EYS: variants seen among roughly 807,000 people sequenced by gnomAD.
The protein encoded by EYS is EGF-like photoreceptor maintenance factor, also known as protein eyes shut homolog.
EYS carries 250 observed loss-of-function variants against 282.1 expected under a neutral mutation model. That is an observed-to-expected ratio of 0.89 (90% CI 0.80 to 0.98). The LOEUF is 0.98. Among genes scored for constraint, EYS ranks in the 50% least tolerant of loss-of-function variants. The pLI is 0.00. For missense variants in EYS, 4,016 were observed against 3,709.0 expected (o/e 1.08, Z -2.15); for synonymous variants, 1,355 against 1,282.9 (o/e 1.06, Z -1.20).
rs549746931 is a variant in EYS, at chr6:65,481,779, C to T, written c.862+8815G>A. ...GAGAGATGGGATTTCACTGTGTTAG[C>T]CAGGATGGTCTCGATCTCCTTACCT... On this transcript the variant is annotated intron_variant, in intron 5 of 42. Transcript: ENST00000503581. Among the ~76,000 whole-genome samples, 135 of 152,100 alleles carry T rather than the reference C, an allele frequency of 8.9e-4. 2 individuals are homozygous for T. Among genetic ancestry groups the T allele is most frequent in the African/African-American group, 2.6e-3 (109 of 41,466 alleles).
chr6:65,188,412 C>G (rs1311606321), intron 12 of EYS, among the ~76,000 whole-genome samples: 1 of 151,324 alleles, frequency 6.6e-6, no homozygotes, highest in African/African-American at 2.4e-5. Flanking sequence ...GTGTTGTAAA[C>G]AAAATACAAG....
chr6:64,274,088 A>G (rs1226790012), intron 30 of EYS, among the ~76,000 whole-genome samples: 1 of 152,178 alleles, frequency 6.6e-6, no homozygotes, highest in Non-Finnish European at 1.5e-5. Flanking sequence ...ATCCCAGCGT[A>G]TAACCTTTAA....
At chr6:65,200,431 G>A (rs1388122033) in intron 12 of EYS, among the ~76,000 whole-genome samples, 1 of 151,582 alleles carries the variant, frequency 6.6e-6, no homozygotes, top group Non-Finnish European at 1.5e-5. Flanking sequence ...CCTATGAATA[G>A]GTTAAATTGA....
intron 2 of EYS, among the ~76,000 whole-genome samples, chr6:65,630,573 G>A (rs908748045): frequency 3.7e-4 from 57 of 152,300 alleles, no homozygotes; most frequent in Admixed American, 3.1e-3. Flanking sequence ...ATATGTGAAA[G>A]TCTCAGGTTG....
At chr6:65,392,220 A>G (rs1220849861) in intron 7 of EYS, among the ~76,000 whole-genome samples, 3 of 151,922 alleles carry the variant, frequency 2.0e-5, no homozygotes, top group African/African-American at 4.8e-5. Flanking sequence ...TAAAAACCCT[A>G]GAAGAAAACC....
intron 31 of EYS, among the ~76,000 whole-genome samples, chr6:64,191,269 T>C (rs1765094679): frequency 6.6e-6 from 1 of 152,028 alleles, no homozygotes; most frequent in Non-Finnish European, 1.5e-5. Context: ...CTTCACACCA[T>C]AGGGAAATTT....
chr6:64,730,695 C>T (rs1771933160), intron 22 of EYS: 1 of 152,094 alleles, frequency 6.6e-6, no homozygotes, highest in Non-Finnish European at 1.5e-5. Context: ...CCAGGATGGT[C>T]TCCATCTCTT....
chr6:64,299,629 A>C (rs1769164501), intron 30 of EYS, among the ~76,000 whole-genome samples: 1 of 152,248 alleles, frequency 6.6e-6, no homozygotes, highest in African/African-American at 2.4e-5. Context: ...ATGGGACAAC[A>C]GTTATCAGCT....
In EYS at chr6:64,106,503, A is replaced by G. The variant is rs548226730; in HGVS notation, c.6425-24501T>C. 7.2e-5 allele frequency among the ~76,000 whole-genome samples: 11 copies of G among 152,196 alleles called. No homozygotes were observed. The East Asian group carries it at 7.7e-4, about 11-fold the overall frequency. On this transcript the variant is annotated intron_variant, in intron 31 of 42. Coordinates refer to ENST00000503581, the MANE Select transcript of EYS (RefSeq NM_001142800.2). ...GTTTTTGTTTGCATGGTATCTGAGG[A>G]GAAATCCAGTGCAATTCTTTGCTCT...
intron 8 of EYS, among the ~76,000 whole-genome samples, chr6:65,368,453 A>G (rs1765005493): frequency 6.6e-6 from 1 of 151,676 alleles, no homozygotes; most frequent in African/African-American, 2.4e-5. Flanking sequence ...GGAAAGAACA[A>G]GCCAAAAGGG....
intron 19 of EYS, among the ~76,000 whole-genome samples, chr6:64,857,449 T>C (rs1373308732): frequency 6.6e-6 from 1 of 152,218 alleles, no homozygotes; most frequent in African/African-American, 2.4e-5. Context: ...AAAAAAAGGT[T>C]GAATAGTATT....
rs796536914 is a variant in EYS, at chr6:63,788,074, A to G, written c.7723+31T>C. ...TTTTCCCTCAACATTTGAAATAAGT[A>G]GGTATAATATAAAAAATGTCCATGC... is the stretch of plus-strand genomic sequence containing the variant. On this transcript the variant is annotated intron_variant, in intron 39 of 42. Transcript: ENST00000503581. 49 of 1,455,568 alleles carry G rather than the reference A, an allele frequency of 3.4e-5. No individual in the cohort carries two copies. In the African/African-American group the frequency reaches 6.7e-4, roughly 20 times the overall value. The allele number at this position is 1,455,568 out of a possible 1,614,324, so 90.2% of individuals were successfully genotyped here.
chr6:64,063,903 T>G (rs1037667113), intron 33 of EYS, among the ~76,000 whole-genome samples: 3 of 152,078 alleles, frequency 2.0e-5, no homozygotes, highest in African/African-American at 7.2e-5. Flanking sequence ...TTTTTTTGTA[T>G]TTTTAGTAGA....
At chr6:64,265,049 T>C (rs1767709630) in intron 30 of EYS, among the ~76,000 whole-genome samples, 1 of 151,206 alleles carries the variant, frequency 6.6e-6, no homozygotes, top group Non-Finnish European at 1.5e-5. Flanking sequence ...TAAAACAAAA[T>C]TATCTATTTT....
chr6:65,126,561 A>G (rs1309828098), intron 12 of EYS, among the ~76,000 whole-genome samples: 1 of 152,188 alleles, frequency 6.6e-6, no homozygotes, highest in African/African-American at 2.4e-5. Context: ...GGCAGAAGGC[A>G]TTATTAAAAC....
chr6:65,179,591 G>C (rs1413819404), intron 12 of EYS, among the ~76,000 whole-genome samples: 4 of 152,080 alleles, frequency 2.6e-5, no homozygotes, highest in Non-Finnish European at 4.4e-5. Context: ...AAAAGTCCAG[G>C]ACCAGATGGA....
At chr6:64,780,732 C>T (rs1042352754) in intron 22 of EYS, among the ~76,000 whole-genome samples, 1 of 152,096 alleles carries the variant, frequency 6.6e-6, no homozygotes, top group South Asian at 2.1e-4. Flanking sequence ...TAGCTGGAAT[C>T]CTGTGACCCA....
At chr6:65,469,056 C>T (rs779420990) in intron 5 of EYS, among the ~76,000 whole-genome samples, 14 of 151,990 alleles carry the variant, frequency 9.2e-5, no homozygotes, top group Non-Finnish European at 1.8e-4. Flanking sequence ...TAATATATAT[C>T]GTACACTCTT....
intron 11 of EYS, among the ~76,000 whole-genome samples, chr6:65,313,857 C>G (rs1023769419): frequency 3.3e-5 from 5 of 152,160 alleles, no homozygotes; most frequent in African/African-American, 1.2e-4. Flanking sequence ...TAGTTATCCT[C>G]TGCTCAAAAG....
Sources: gnomAD v4.1 joint callset for allele counts (sites outside exome capture counted in the v4.1 genomes callset) on GRCh38, gnomAD v4.1.1 for gene constraint, MANE v1.5 for transcripts, NCBI Gene and HGNC (gene_info 2026-07-23, HGNC 2026-07-21) for gene names.